Variants in UCK2 observed in about 807,000 individuals in gnomAD.
The protein encoded by UCK2 is cytidine monophosphokinase 2.
A neutral mutation model predicts 30.8 loss-of-function variants in UCK2; 6 were observed. The ratio of observed to expected loss-of-function variants is 0.19; its 90% CI spans 0.11 to 0.38. The LOEUF (loss-of-function observed/expected upper bound fraction) is 0.38, where lower values mean the gene tolerates loss of function less well. Among genes scored for constraint, UCK2 ranks in the 10% least tolerant of loss-of-function variants. The probability of loss-of-function intolerance (pLI) is 1.00; values close to 1 mark genes in which losing one functional copy is unlikely to be tolerated. For missense variants in UCK2, 210 were observed against 339.8 expected (o/e 0.62, Z 3.00); for synonymous variants, 125 against 133.6 (o/e 0.94, Z 0.45).
At chr1:165,892,050 TGAGAGAGAGA>T (rs143603083) in intron 3 of UCK2, 1 of 144,854 alleles carries the variant, frequency 6.9e-6, no homozygotes, top group Non-Finnish European at 1.5e-5. Context: ...AGGAGGAAGA[TGAGAGAGAGA>T]GAGAGAGAGA....
chr1:165,828,267 C>A (rs1015294301), intron 1 of UCK2, among the ~76,000 whole-genome samples: 1 of 152,172 alleles, frequency 6.6e-6, no homozygotes, highest in African/African-American at 2.4e-5. Context: ...TTTTGCAACT[C>A]CAGTGTCGGG....
intron 3 of UCK2, among the ~76,000 whole-genome samples, chr1:165,895,124 G>A (rs1350427399): frequency 6.6e-6 from 1 of 152,166 alleles, no homozygotes; most frequent in African/African-American, 2.4e-5. Flanking sequence ...TTTTTGAAAA[G>A]TCATGTTGGT....
intron 1 of UCK2, among the ~76,000 whole-genome samples, chr1:165,828,628 C>T (rs992271992): frequency 1.3e-5 from 2 of 152,184 alleles, no homozygotes; most frequent in Non-Finnish European, 2.9e-5. Context: ...GTACTGGCTC[C>T]AAGCTCTTCG....
chr1:165,853,918 A>G (rs991176391), intron 1 of UCK2, among the ~76,000 whole-genome samples: 1 of 152,164 alleles, frequency 6.6e-6, no homozygotes, highest in Admixed American at 6.5e-5. Context: ...GAGCAGCTGT[A>G]TTTTGTTGCT....
In UCK2 at chr1:165,844,524, T is replaced by G. The variant is rs376606372; in HGVS notation, c.99+16592T>G. 3.0e-4 allele frequency among the ~76,000 whole-genome samples: 45 copies of G among 152,252 alleles called. No homozygotes were observed. In the South Asian group the frequency reaches 7.5e-3, roughly 25 times the overall value. On this transcript the variant is annotated intron_variant, in intron 1 of 6. Transcript: ENST00000367879. ...GTGATAACAGAGCTCCTAAATCCCT[T>G]AGAATTTCCCAGGTGATAGGAGCAT... is the stretch of plus-strand genomic sequence containing the variant.
Position 165,827,916 on chromosome 1 carries a change from G to T in UCK2, c.83G>T (p.Gly28Val). ...GEPFLIGVSG[G>V]TASGKSSVCA... ...CCCTTCCTTATAGGCGTCAGCGGGG[G>T]AACAGCTAGCGGCAAGGTACGGCGG... The change falls in exon 1 of 7, where the codon GGA becomes GTA. Residue 28 changes from glycine to valine, a missense_variant. Gly to Val is a moderately radical substitution (Grantham distance 109). Around this residue, in one of 4 missense-constraint regions of UCK2, gnomAD observed 50 missense variants for 41.0 expected, o/e 1.22. Transcript: ENST00000367879. The T allele has an allele frequency of 6.9e-7, 1 of 1,447,064 alleles. No individual in the cohort carries two copies. The allele number at this position is 1,447,064 out of a possible 1,614,324, so 89.6% of individuals were successfully genotyped here. A position where few individuals can be genotyped will look rare whatever the true frequency, so the allele number is the denominator to read the frequency against.
chr1:165,831,384 A>C (rs971402036), intron 1 of UCK2, among the ~76,000 whole-genome samples: 11 of 152,226 alleles, frequency 7.2e-5, no homozygotes, highest in Admixed American at 4.6e-4. Flanking sequence ...ACCCCATCTC[A>C]AAAGCAAACC....
At chr1:165,892,561 T>G (rs1249511389) in intron 3 of UCK2, 1 of 152,178 alleles carries the variant, frequency 6.6e-6, no homozygotes, top group Non-Finnish European at 1.5e-5. Context: ...ACCTTCGAAG[T>G]CTCTTGTTGG....
chr1:165,888,880 AAAG>A (rs1344456627), intron 1 of UCK2, among the ~76,000 whole-genome samples: 1 of 152,176 alleles, frequency 6.6e-6, no homozygotes, highest in Admixed American at 6.5e-5. Context: ...TGAAATGAAA[AAAG>A]AAATCAGTTA....
chr1:165,890,863 A>G (rs368209789), intron 2 of UCK2: 64 of 261,592 alleles, frequency 2.4e-4, no homozygotes, highest in African/African-American at 1.4e-3. Context: ...AAACCTGGGC[A>G]TGGTGCCTAT....
intron 2 of UCK2, among the ~76,000 whole-genome samples, chr1:165,890,593 A>T (rs140107824): frequency 6.6e-6 from 1 of 152,292 alleles, no homozygotes; most frequent in Non-Finnish European, 1.5e-5. Flanking sequence ...CTGTATCTGA[A>T]CAAAGGTGAT....
chr1:165,867,139 C>T (rs1009784415), intron 1 of UCK2, among the ~76,000 whole-genome samples: 1 of 152,132 alleles, frequency 6.6e-6, no homozygotes, highest in African/African-American at 2.4e-5. Flanking sequence ...ATTGCAGAGA[C>T]CTTAATTTTA....
At chr1:165,828,160 C>A (rs1363891629) in intron 1 of UCK2, among the ~76,000 whole-genome samples, 2 of 151,892 alleles carry the variant, frequency 1.3e-5, no homozygotes, top group Non-Finnish European at 2.9e-5. Flanking sequence ...CGGCCACGAT[C>A]GCAGGGCGGG....
At chr1:165,872,213 C>T (rs750540679) in intron 1 of UCK2, among the ~76,000 whole-genome samples, 7 of 152,058 alleles carry the variant, frequency 4.6e-5, no homozygotes, top group Admixed American at 6.5e-5. Context: ...TAGCTGGGAT[C>T]ATAGGTGTGT....
chr1:165,847,221 CA>C, intron 1 of UCK2, among the ~76,000 whole-genome samples: 1 of 152,164 alleles, frequency 6.6e-6, no homozygotes, highest in African/African-American at 2.4e-5. Flanking sequence ...CGCTGTGTGT[CA>C]ATTTTCCTCA....
At chr1:165,835,453 GGGCTCCCAA>G (rs1460282037) in intron 1 of UCK2, among the ~76,000 whole-genome samples, 3 of 151,720 alleles carry the variant, frequency 2.0e-5, no homozygotes, top group African/African-American at 7.3e-5. Flanking sequence ...GTCCTGTCTT[GGGCTCCCAA>G]GGTGCTGGGA....
intron 1 of UCK2, among the ~76,000 whole-genome samples, chr1:165,849,184 G>A (rs1374897263): frequency 6.6e-6 from 1 of 152,196 alleles, no homozygotes; most frequent in African/African-American, 2.4e-5. Flanking sequence ...TATTGATTTA[G>A]TTTTCCTTGG....
chr1:165,903,102 A>G (rs962699047), intron 4 of UCK2, 80 bp from the exon 5 acceptor site: 16 of 1,040,510 alleles, frequency 1.5e-5, no homozygotes, highest in Middle Eastern at 4.2e-4. Flanking sequence ...AGCCTGTGGG[A>G]GCTAGGTCCA....
At chr1:165,873,779 G>A (rs549282466) in intron 1 of UCK2, among the ~76,000 whole-genome samples, 8 of 152,196 alleles carry the variant, frequency 5.3e-5, no homozygotes, top group Admixed American at 3.3e-4. Flanking sequence ...GCCGAGACGT[G>A]GGGGGTGGTG....
Sources: gnomAD v4.1 joint callset for allele counts (sites outside exome capture counted in the v4.1 genomes callset) on GRCh38, gnomAD v4.1.1 for gene constraint, gnomAD v4.1.1 regional missense constraint, MANE v1.5 for transcripts, NCBI Gene and HGNC (gene_info 2026-07-23, HGNC 2026-07-21) for gene names.